Variants in HAVCR2 observed in about 807,000 individuals in gnomAD.
The protein encoded by HAVCR2 is T cell immunoglobulin mucin 3.
HAVCR2 carries 13 observed loss-of-function variants against 24.7 expected under a neutral mutation model. That is an observed-to-expected ratio of 0.53 (90% confidence interval 0.34 to 0.84). HAVCR2 has a LOEUF of 0.84. Ranked by LOEUF, HAVCR2 falls within the 40% of genes least tolerant of loss-of-function variation. The probability of loss-of-function intolerance (pLI) is 0.01; values close to 1 mark genes in which losing one functional copy is unlikely to be tolerated. For missense variants in HAVCR2, 343 were observed against 371.2 expected (o/e 0.92, Z 0.62); for synonymous variants, 154 against 143.4 (o/e 1.07, Z -0.53).
chr5:157,095,107 A>G lies in HAVCR2; in HGVS notation c.676+199T>C, dbSNP rs565674724. Among the ~76,000 whole-genome samples the G allele has an allele frequency of 7.9e-5, 12 of 152,274 alleles. No individual in the cohort carries two copies. The South Asian group carries it at 2.3e-3, about 29-fold the overall frequency. On this transcript the variant is annotated intron_variant, in intron 5 of 6. Coordinates refer to ENST00000307851, the MANE Select transcript of HAVCR2 (RefSeq NM_032782.5). ...GTAATGATGATAAAATGTATGTAAA[A>G]CATTTAACGCAGTGGCTGCCTGACA...
At chr5:157,096,822 G>C (rs2113689352) in intron 4 of HAVCR2, among the ~76,000 whole-genome samples, 1 of 151,642 alleles carries the variant, frequency 6.6e-6, no homozygotes. Context: ...TTATAGGCCA[G>C]GCTCACACCT....
intron 6 of HAVCR2, 149 bp from the exon 7 acceptor site, chr5:157,087,443 AG>A (rs1283456639): frequency 7.2e-4 from 15 of 20,738 alleles, no homozygotes; most frequent in Non-Finnish European, 1.2e-3. Context: ...GCCAAGAAAT[AG>A]CAATAAAATA....
chr5:157,092,632 G>A (rs191460382), intron 5 of HAVCR2, among the ~76,000 whole-genome samples: 2 of 151,744 alleles, frequency 1.3e-5, no homozygotes, highest in Non-Finnish European at 2.9e-5. Context: ...TTTTAGTAGA[G>A]ATGAGGTTTC....
chr5:157,103,403 A>C (rs577402731), intron 3 of HAVCR2, among the ~76,000 whole-genome samples: 2 of 152,176 alleles, frequency 1.3e-5, no homozygotes, highest in South Asian at 4.2e-4. Flanking sequence ...ACTGAAGCAC[A>C]GGATGGGAAA....
intron 2 of HAVCR2, 176 bp downstream of exon 2, chr5:157,106,449 CAG>C: frequency 1.6e-6 from 1 of 610,176 alleles, no homozygotes; most frequent in Non-Finnish European, 2.9e-6. Flanking sequence ...AGTTTTAAAA[CAG>C]AGAGAAGGTG....
intron 3 of HAVCR2, 119 bp from the exon 4 acceptor site, chr5:157,099,020 G>T (rs1250444450): frequency 8.2e-6 from 7 of 852,722 alleles, no homozygotes; most frequent in Non-Finnish European, 1.2e-5. Context: ...TATTTGAAAT[G>T]AATTCTACTC....
chr5:157,106,513 T>C (rs1666490538), intron 2 of HAVCR2, 114 bp downstream of exon 2: 2 of 812,842 alleles, frequency 2.5e-6, no homozygotes, highest in African/African-American at 3.4e-5. Flanking sequence ...TAGGTCTTAG[T>C]GGCCCTCCTC....
At chr5:157,092,878 CAAAAAAAAAAAAAAAAAAAAAAAAAA>C (rs556443053) in intron 5 of HAVCR2, among the ~76,000 whole-genome samples, 11,008 of 44,194 alleles carry the variant, frequency 0.25, 920 homozygotes, top group Admixed American at 0.43. Flanking sequence ...CTGTCTCTAC[CAAAAAAAAAAAAAAAAAAAAAAAAAA>C]AAAAAAAAAA....
At chr5:157,089,125 T>C in intron 5 of HAVCR2, 148 bp from the exon 6 acceptor site, 1 of 646,094 alleles carries the variant, frequency 1.5e-6, no homozygotes, top group Non-Finnish European at 2.7e-6. Context: ...ACGTGTGCCT[T>C]AGATAGTTAT....
At chr5:157,107,676 G>T (rs1757271924) in intron 1 of HAVCR2, among the ~76,000 whole-genome samples, 1 of 152,126 alleles carries the variant, frequency 6.6e-6, no homozygotes, top group African/African-American at 2.4e-5. Context: ...ATGAAAGGCT[G>T]CATACCTCCC....
chr5:157,098,937 A>C, intron 3 of HAVCR2, 36 bp from the exon 4 acceptor site: 1 of 1,565,274 alleles, frequency 6.4e-7, no homozygotes, highest in Non-Finnish European at 8.8e-7. Context: ...GAGAGGAAAA[A>C]TAGCCAATAG....
intron 4 of HAVCR2, among the ~76,000 whole-genome samples, chr5:157,098,418 A>C (rs1185092984): frequency 6.6e-6 from 1 of 151,544 alleles, no homozygotes; most frequent in Non-Finnish European, 1.5e-5. Flanking sequence ...AAAAAAAAAA[A>C]AAAAAACCTC....
Position 157,087,085 on chromosome 5 carries a change from A to AAAT in HAVCR2, c.*14_*16dup, listed in dbSNP as rs768453906. The stretch of plus-strand genomic sequence containing the variant: ...GAAAAAGACAAAACACCAAGCTCAA[A>AAAT]AATAAGGTGGTTGGATCTATGGCAT... On this transcript the variant is annotated 3_prime_UTR_variant, in exon 7 of 7. Transcript: ENST00000307851. The AAAT allele has an allele frequency of 6.7e-5, 107 of 1,607,660 alleles. No individual in the cohort carries two copies. The highest frequency in any genetic ancestry group is 8.5e-5 in the Non-Finnish European group (100 of 1,178,384).
In HAVCR2 at chr5:157,109,028, G is replaced by A. The variant is rs1757291805; in HGVS notation, c.-45C>T. The A allele has an allele frequency of 1.3e-6, 2 of 1,563,510 alleles. No homozygotes were observed. Among genetic ancestry groups the A allele is most frequent in the African/African-American group, 1.4e-5 (1 of 74,032 alleles). ...TCAGAGGACACCTCTGTTAGGCACA[G>A]TTTTAACTCTCCAAATGGACTGGGT... On this transcript the variant is annotated 5_prime_UTR_variant, in exon 1 of 7. Transcript: ENST00000307851.
intron 5 of HAVCR2, among the ~76,000 whole-genome samples, chr5:157,091,079 T>C (rs1756992384): frequency 6.6e-6 from 1 of 152,168 alleles, no homozygotes; most frequent in African/African-American, 2.4e-5. Context: ...GAGAAGAATG[T>C]CATTTCAGAA....
intron 4 of HAVCR2, among the ~76,000 whole-genome samples, chr5:157,098,394 C>T (rs1277599419): frequency 5.5e-5 from 8 of 146,728 alleles, no homozygotes; most frequent in African/African-American, 7.7e-5. Context: ...GCAACAAGAG[C>T]GAAATTCTGT....
intron 3 of HAVCR2, among the ~76,000 whole-genome samples, chr5:157,099,251 A>ATTAT (rs774369314): frequency 3.4e-4 from 51 of 152,054 alleles, no homozygotes; most frequent in Middle Eastern, 3.4e-3. Flanking sequence ...AGACTCAGGC[A>ATTAT]TTATTTATTT....
At chr5:157,106,496 T>A (rs1364606817) in intron 2 of HAVCR2, 131 bp downstream of exon 2, 1 of 706,494 alleles carries the variant, frequency 1.4e-6, no homozygotes, top group African/African-American at 1.8e-5. Context: ...TGGGGCCTGT[T>A]AAACTTTAGG....
rs769374342 is a variant in HAVCR2, at chr5:157,108,934, A to G, written c.50T>C (p.Leu17Pro). 4 of 1,614,156 alleles carry G rather than the reference A, an allele frequency of 2.5e-6. No individual in the cohort carries two copies. Among genetic ancestry groups the G allele is most frequent in the Non-Finnish European group, 3.4e-6 (4 of 1,179,962 alleles). Residue 17 changes from leucine to proline, a missense_variant, in exon 1 of 7, where the codon CTA (leucine) becomes CCA (proline). Physicochemically the swap from Leu to Pro is moderately conservative, Grantham distance 98 (BLOSUM62 -3). Coordinates refer to ENST00000307851, the MANE Select transcript of HAVCR2 (RefSeq NM_032782.5). The part of the protein sequence containing the change: ...FDCVLLLLLL[L>P]LTRSSEVEYR... Reference sequence around the variant, plus strand: ...TCCATGCCGAGACTTACTTGTAAGTAGTAGCAGCAGCAGCAGCAGGACACA... The same window carrying G: ...TCCATGCCGAGACTTACTTGTAAGTGGTAGCAGCAGCAGCAGCAGGACACA...
Sources: allele counts gnomAD v4.1 joint callset (sites outside exome capture counted in the v4.1 genomes callset), GRCh38; gene constraint gnomAD v4.1.1; transcripts MANE v1.5; gene names NCBI Gene and HGNC (gene_info 2026-07-23, HGNC 2026-07-21).